Variants in ATRNL1 observed in about 807,000 individuals in gnomAD.
ATRNL1 encodes the protein attractin like 1, also known as attractin-like protein 1.
Under a neutral mutation model 182.7 loss-of-function variants are expected in ATRNL1, and 95 were observed. That is an observed-to-expected ratio of 0.52 (90% CI 0.44 to 0.62). The LOEUF (loss-of-function observed/expected upper bound fraction) is 0.62, where lower values mean the gene tolerates loss of function less well. Among genes scored for constraint, ATRNL1 ranks in the 20% least tolerant of loss-of-function variants. The pLI is 0.00. For missense variants in ATRNL1, 1,471 were observed against 1,679.5 expected (o/e 0.88, Z 2.17); for synonymous variants, 576 against 568.3 (o/e 1.01, Z -0.19).
intron 25 of ATRNL1, among the ~76,000 whole-genome samples, chr10:115,535,253 C>T (rs1283730270): frequency 6.6e-6 from 1 of 152,182 alleles, no homozygotes; most frequent in African/African-American, 2.4e-5. Flanking sequence ...ACCGATCAGA[C>T]GTAGATGTGG....
intron 19 of ATRNL1, among the ~76,000 whole-genome samples, chr10:115,364,925 T>C (rs1856948201): frequency 6.6e-6 from 1 of 151,576 alleles, no homozygotes; most frequent in African/African-American, 2.4e-5. Context: ...AGTTTGCCAG[T>C]ATTTTATTGA....
At chr10:115,256,927 T>C (rs1422259554) in intron 10 of ATRNL1, among the ~76,000 whole-genome samples, 5 of 152,218 alleles carry the variant, frequency 3.3e-5, no homozygotes, top group Admixed American at 2.6e-4. Context: ...AGTTTCCATA[T>C]AGTTGTGCGG....
chr10:115,511,350 C>T (rs1318560330), intron 24 of ATRNL1, among the ~76,000 whole-genome samples: 1 of 151,830 alleles, frequency 6.6e-6, no homozygotes, highest in Non-Finnish European at 1.5e-5. Flanking sequence ...AAGTTGTTTG[C>T]CTGAAACAGC....
intron 27 of ATRNL1, among the ~76,000 whole-genome samples, chr10:115,784,643 C>A (rs1949351876): frequency 6.6e-6 from 1 of 152,154 alleles, no homozygotes; most frequent in Non-Finnish European, 1.5e-5. Context: ...GAGAAACCAT[C>A]CCATGCCTCT....
At chr10:115,215,556 C>T (rs2144404651) in intron 8 of ATRNL1, 141 bp from the exon 9 acceptor site, 1 of 683,920 alleles carries the variant, frequency 1.5e-6, no homozygotes, top group Non-Finnish European at 2.3e-6. Context: ...ATAAGTGTTT[C>T]TTGATTAAAT....
chr10:115,885,257 A>T (rs2134450055), intron 28 of ATRNL1, among the ~76,000 whole-genome samples: 1 of 152,310 alleles, frequency 6.6e-6, no homozygotes, highest in Non-Finnish European at 1.5e-5. Context: ...TCTCAGGGAG[A>T]TTGTATAGCA....
chr10:115,519,402 C>T lies in ATRNL1; in HGVS notation c.3716+78C>T, dbSNP rs187968989. The T allele has an allele frequency of 4.0e-5, 48 of 1,202,724 alleles. 1 individual carries two copies. The African/African-American group carries it at 5.3e-4, about 13-fold the overall frequency. The allele number at this position is 1,202,724 out of a possible 1,614,324, so 74.5% of individuals were successfully genotyped here. A position where few individuals can be genotyped will look rare whatever the true frequency, so the allele number is the denominator to read the frequency against. On this transcript the variant is annotated intron_variant, in intron 25 of 28. Transcript: ENST00000355044. ...ATGTCCTGTCAATCTGTTAGATAAT[C>T]GACCAATTCTAAAACCTTAAAGTAT...
intron 28 of ATRNL1, among the ~76,000 whole-genome samples, chr10:115,870,500 A>T (rs782524511): frequency 1.9e-4 from 29 of 152,224 alleles, no homozygotes; most frequent in Non-Finnish European, 4.1e-4. Flanking sequence ...TCCTAAAAGC[A>T]TTTGAGGTAA....
intron 19 of ATRNL1, among the ~76,000 whole-genome samples, chr10:115,389,540 GTATATATATA>G (rs58155967): frequency 0.042 from 1,861 of 44,394 alleles, 83 homozygotes; most frequent in East Asian, 0.064. Flanking sequence ...ATGTGTATGT[GTATATATATA>G]TATATATATA....
intron 20 of ATRNL1, among the ~76,000 whole-genome samples, chr10:115,421,340 T>A (rs1432553722): frequency 6.6e-6 from 1 of 152,168 alleles, no homozygotes; most frequent in African/African-American, 2.4e-5. Flanking sequence ...TATAAGGTCA[T>A]TGACCATGAT....
chr10:115,634,967 T>C (rs1221763836), intron 26 of ATRNL1, among the ~76,000 whole-genome samples: 3 of 152,052 alleles, frequency 2.0e-5, no homozygotes, highest in Non-Finnish European at 2.9e-5. Flanking sequence ...AAAAAAAAAT[T>C]ATAGTTTCCT....
chr10:115,261,102 GA>G (rs1851373356), intron 10 of ATRNL1, among the ~76,000 whole-genome samples: 1 of 151,914 alleles, frequency 6.6e-6, no homozygotes, highest in Non-Finnish European at 1.5e-5. Context: ...TATATAGAGA[GA>G]AAAGAAATAG....
intron 21 of ATRNL1, among the ~76,000 whole-genome samples, chr10:115,450,486 C>A: frequency 6.6e-6 from 1 of 152,070 alleles, no homozygotes; most frequent in East Asian, 1.9e-4. Flanking sequence ...TATGCACCAA[C>A]AATAGCCAAG....
chr10:115,916,479 G>A (rs1314868544), intron 28 of ATRNL1, among the ~76,000 whole-genome samples: 2 of 152,104 alleles, frequency 1.3e-5, no homozygotes, highest in African/African-American at 2.4e-5. Context: ...TAAATACAAC[G>A]CTTAAAGCAA....
At chr10:115,437,888 A>C (rs781935657) in intron 21 of ATRNL1, among the ~76,000 whole-genome samples, 2 of 151,986 alleles carry the variant, frequency 1.3e-5, no homozygotes, top group Non-Finnish European at 2.9e-5. Context: ...TTCACAGAGC[A>C]GTCCTATGAC....
intron 27 of ATRNL1, among the ~76,000 whole-genome samples, chr10:115,824,139 C>T (rs1950370165): frequency 6.6e-6 from 1 of 152,182 alleles, no homozygotes; most frequent in Non-Finnish European, 1.5e-5. Flanking sequence ...CTACAACCAT[C>T]TGATGTTTGA....
At chr10:115,536,603 G>A (rs1045902038) in intron 25 of ATRNL1, among the ~76,000 whole-genome samples, 2 of 152,174 alleles carry the variant, frequency 1.3e-5, no homozygotes, top group Non-Finnish European at 2.9e-5. Flanking sequence ...GCTCTCGCAC[G>A]GTGCGCTGCA....
intron 21 of ATRNL1, among the ~76,000 whole-genome samples, chr10:115,448,173 A>G (rs10885713): frequency 0.22 from 33,710 of 152,046 alleles, 4,699 homozygotes; most frequent in Non-Finnish European, 0.31. Context: ...TTATTGATAC[A>G]GCAAATATCT....
intron 27 of ATRNL1, among the ~76,000 whole-genome samples, chr10:115,729,179 GGTACCCAT>G (rs1460825948): frequency 3.3e-5 from 5 of 152,000 alleles, no homozygotes. Context: ...TGTATTGTTA[GGTACCCAT>G]GTGTTCATAA....
Sources: allele counts gnomAD v4.1 joint callset (sites outside exome capture counted in the v4.1 genomes callset), GRCh38; gene constraint gnomAD v4.1.1; transcripts MANE v1.5; gene names NCBI Gene and HGNC (gene_info 2026-07-23, HGNC 2026-07-21).